MYO16: variants seen among roughly 807,000 people sequenced by gnomAD.
MYO16 encodes the protein myosin XVI.
In MYO16, 94 loss-of-function variants were observed where a neutral mutation model predicts 205.3. The observed-to-expected ratio is 0.46, with a 90% CI of 0.39 to 0.54. MYO16 has a LOEUF of 0.54. Ranked by LOEUF, MYO16 falls within the 20% of genes least tolerant of loss-of-function variation. MYO16 has a pLI of 0.00. For missense variants in MYO16, 2,315 were observed against 2,387.5 expected (o/e 0.97, Z 0.63); for synonymous variants, 988 against 954.0 (o/e 1.04, Z -0.66).
chr13:109,090,217 G>T (rs1888576541), intron 27 of MYO16, among the ~76,000 whole-genome samples: 1 of 152,222 alleles, frequency 6.6e-6, no homozygotes, highest in African/African-American at 2.4e-5. Context: ...GCCATGTGCA[G>T]ACCATGGTGA....
the MYO16 span, among the ~76,000 whole-genome samples, chr13:108,561,677 C>T: frequency 4.6e-5 from 7 of 152,206 alleles, no homozygotes; most frequent in Non-Finnish European, 8.8e-5. Context: ...TATTCAATCA[C>T]GCAGATATCT....
intron 20 of MYO16, among the ~76,000 whole-genome samples, chr13:108,972,243 CTCTCTCTATATATATATATATATA>C (rs1884050356): frequency 8.7e-5 from 1 of 11,510 alleles, no homozygotes; most frequent in Non-Finnish European, 1.8e-4. Context: ...CTCTCTCTCT[CTCTCTCTATATATATATATATATA>C]TATATATATA....
intron 1 of MYO16, among the ~76,000 whole-genome samples, chr13:108,621,920 C>A (rs1268513452): frequency 6.6e-6 from 1 of 151,906 alleles, no homozygotes; most frequent in South Asian, 2.1e-4. Context: ...TTAGACTGTG[C>A]CTAATTTATA....
intron 4 of MYO16, among the ~76,000 whole-genome samples, chr13:108,748,155 T>A (rs567549696): frequency 2.0e-5 from 3 of 152,128 alleles, no homozygotes; most frequent in African/African-American, 4.8e-5. Flanking sequence ...ACATACAAAA[T>A]ATGTTATCAG....
rs146810673 is a variant in MYO16 at position 108,632,266 on chromosome 13, C to G, written c.28+2394C>G. Among the ~76,000 whole-genome samples the G allele has an allele frequency of 1.2e-3, 186 of 152,242 alleles. 3 individuals carry two copies. The East Asian group carries it at 0.034, about 28-fold the overall frequency. ...TCGTCACACTCCATTCCTTCTTCGC[C>G]TGTCCTGCATTTCTACCACATATCT... On this transcript the variant is annotated intron_variant, in intron 1 of 34. Transcript: ENST00000457511.
intron 27 of MYO16, among the ~76,000 whole-genome samples, chr13:109,075,271 A>T (rs1888056232): frequency 6.6e-6 from 1 of 152,056 alleles, no homozygotes; most frequent in Non-Finnish European, 1.5e-5. Flanking sequence ...AAACTGCCAA[A>T]CTGTTTTCCA....
chr13:108,778,076 G>T (rs441301), intron 4 of MYO16, among the ~76,000 whole-genome samples: 152,286 of 152,328 alleles, frequency 1, 76,122 homozygotes, highest in Non-Finnish European at 1. Context: ...ATGAGTCAGC[G>T]GCCTCCTGCA....
chr13:109,061,425 G>T (rs909403586), intron 27 of MYO16, among the ~76,000 whole-genome samples: 1 of 152,224 alleles, frequency 6.6e-6, no homozygotes, highest in East Asian at 1.9e-4. Flanking sequence ...AAAAGTGAGA[G>T]ATGTGCATCT....
At chr13:109,176,488 A>G (rs1165583002) in intron 33 of MYO16, among the ~76,000 whole-genome samples, 1 of 137,312 alleles carries the variant, frequency 7.3e-6, no homozygotes, top group African/African-American at 2.7e-5. Flanking sequence ...TTTTTTATTC[A>G]TGGTTTGTGC....
intron 3 of MYO16, among the ~76,000 whole-genome samples, chr13:108,724,001 C>T (rs545979644): frequency 9.9e-5 from 15 of 152,086 alleles, no homozygotes; most frequent in African/African-American, 1.9e-4. Context: ...ATCTCACTAA[C>T]GTTTTGTTGA....
chr13:108,623,613 A>T (rs1879620907), intron 1 of MYO16, among the ~76,000 whole-genome samples: 1 of 152,156 alleles, frequency 6.6e-6, no homozygotes, highest in Admixed American at 6.5e-5. Context: ...ATGGTAAGTT[A>T]TGTTTACTTA....
At position 109,015,912 on chromosome 13, in the gene MYO16, G is replaced by A. The variant is rs539936177; in HGVS notation, c.2596-3799G>A. On this transcript the variant is annotated intron_variant, in intron 22 of 34. Transcript: ENST00000457511. ...TTTTGTTGATCTTTTCAGAAAACCA[G>A]CTCCTGGATTCACTGATTTTTTTGA... Among the ~76,000 whole-genome samples the A allele has an allele frequency of 6.6e-5, 10 of 152,144 alleles. No homozygotes were observed. The South Asian group carries it at 2.1e-3, about 32-fold the overall frequency.
At chr13:109,147,890 C>T (rs1204880541) in intron 32 of MYO16, among the ~76,000 whole-genome samples, 1 of 152,118 alleles carries the variant, frequency 6.6e-6, no homozygotes, top group Non-Finnish European at 1.5e-5. Flanking sequence ...GATTAACACC[C>T]CCAGAGAAGG....
intron 2 of MYO16, among the ~76,000 whole-genome samples, chr13:108,668,925 CA>C (rs778880357): frequency 6.6e-6 from 1 of 152,030 alleles, no homozygotes; most frequent in Non-Finnish European, 1.5e-5. Flanking sequence ...AGGATAACAT[CA>C]AGCTTTTGGG....
At chr13:108,972,159 A>G (rs1211106566) in intron 20 of MYO16, among the ~76,000 whole-genome samples, 2 of 128,616 alleles carry the variant, frequency 1.6e-5, no homozygotes, top group African/African-American at 3.0e-5. Flanking sequence ...GCAGTGAGTC[A>G]TGATTGCACC....
At chr13:108,853,954 T>TTGTGTGTGTGTG (rs5806760) in intron 10 of MYO16, among the ~76,000 whole-genome samples, 10,968 of 138,402 alleles carry the variant, frequency 0.079, 811 homozygotes, top group East Asian at 0.37. Context: ...GTTTCTATTA[T>TTGTGTGTGTGTG]TGTGTGTGTG....
Position 109,140,225 on chromosome 13 carries a change from T to G in MYO16, c.4052-39T>G. 1 of 1,591,794 alleles carries G rather than the reference T, an allele frequency of 6.3e-7. No homozygotes were observed. The highest frequency in any genetic ancestry group is 8.5e-7 in the Non-Finnish European group (1 of 1,176,298). On this transcript the variant is annotated intron_variant, in intron 31 of 34. Transcript: ENST00000457511. The surrounding 1 kb of genome is among the most constrained non-coding windows in gnomAD (Gnocchi z 8.0). ...CGGGCTTGGTGGGCACCCGTGGGCC[T>G]GGCCTGGCACCCACTGACCGCGTCC...
chr13:108,503,052 T>C, the MYO16 span, among the ~76,000 whole-genome samples: 1 of 152,198 alleles, frequency 6.6e-6, no homozygotes, highest in African/African-American at 2.4e-5. Flanking sequence ...CTAAGATATG[T>C]TATTTCTAAG....
the MYO16 span, among the ~76,000 whole-genome samples, chr13:108,563,730 C>A: frequency 6.6e-6 from 1 of 152,120 alleles, no homozygotes; most frequent in Admixed American, 6.5e-5. Context: ...ATTTTCTTTA[C>A]CCATTCATCT....
Sources: gnomAD v4.1 joint callset for allele counts (sites outside exome capture counted in the v4.1 genomes callset) on GRCh38, gnomAD v4.1.1 for gene constraint, Gnocchi (gnomAD v3.1) non-coding constraint, MANE v1.5 for transcripts, NCBI Gene and HGNC (gene_info 2026-07-23, HGNC 2026-07-21) for gene names.